The following SLC9A9 variants were observed in gnomAD, a reference collection of about 807,000 sequenced individuals.
SLC9A9 encodes the protein solute carrier family 9 member A9, also known as sodium/hydrogen exchanger 9.
SLC9A9 carries 62 observed loss-of-function variants against 77.8 expected under a neutral mutation model. That is an observed-to-expected ratio of 0.80 (90% CI 0.65 to 0.98). SLC9A9 has a LOEUF of 0.98. SLC9A9 is among the 50% of genes least tolerant of loss of function. The pLI, the probability that SLC9A9 is intolerant of heterozygous loss-of-function variation, is 0.00. For synonymous variants in SLC9A9, 320 were observed against 283.5 expected, an observed-to-expected ratio of 1.13 and a Z score of -1.29; for missense variants, 775 against 774.9, an observed-to-expected ratio of 1.00 and a Z score of 0.00.
At position 143,749,154 on chromosome 3, in the gene SLC9A9, A is replaced by G. The variant is rs896150380; in HGVS notation, c.533+45847T>C. Among the ~76,000 whole-genome samples, 104 of 152,352 alleles carry G rather than the reference A, an allele frequency of 6.8e-4. 1 individual carries two copies. Among genetic ancestry groups the G allele is most frequent in the Admixed American group, 6.7e-3 (102 of 15,304 alleles). On this transcript the variant is annotated intron_variant, in intron 4 of 15. Transcript: ENST00000316549. ...ATAAACACATGGTTTATATATTTGCATAATATTTTAAATTATTATTTATAA... is the reference window on the plus strand; with the variant it reads ...ATAAACACATGGTTTATATATTTGCGTAATATTTTAAATTATTATTTATAA...
intron 6 of SLC9A9, among the ~76,000 whole-genome samples, chr3:143,617,485 G>A (rs763507331): frequency 1.3e-5 from 2 of 152,190 alleles, no homozygotes; most frequent in African/African-American, 4.8e-5. Flanking sequence ...GGCTTCATCT[G>A]ATTGCTATGC....
At position 143,344,978 on chromosome 3, in the gene SLC9A9, A is replaced by G. The variant is rs557924602; in HGVS notation, c.1604+18506T>C. 7.2e-5 allele frequency among the ~76,000 whole-genome samples: 11 copies of G among 152,332 alleles called. No homozygotes were observed. In the South Asian group the frequency reaches 2.1e-3, roughly 29 times the overall value. On this transcript the variant is annotated intron_variant, in intron 14 of 15. Transcript: ENST00000316549. ...CTGAGAGCAGTAAAACTGGTAAAAG[A>G]TGATTTCCATAATAACTGGATGAGG...
chr3:143,844,062 A>T (rs1348091173), intron 1 of SLC9A9, among the ~76,000 whole-genome samples: 2 of 152,200 alleles, frequency 1.3e-5, no homozygotes, highest in Non-Finnish European at 2.9e-5. Flanking sequence ...AATAATAAGA[A>T]AAACCTATTT....
intron 1 of SLC9A9, among the ~76,000 whole-genome samples, chr3:143,843,801 T>C: frequency 6.6e-6 from 1 of 152,282 alleles, no homozygotes. Context: ...ATACAGGCCC[T>C]AAGTGAGTGG....
rs529876685 is a variant in SLC9A9, at chr3:143,387,720, C to T, written c.1470-5606G>A. Among the ~76,000 whole-genome samples, 5 of 151,994 alleles carry T rather than the reference C, an allele frequency of 3.3e-5. No homozygotes were observed. In the East Asian group the frequency reaches 9.7e-4, roughly 29 times the overall value. On this transcript the variant is annotated intron_variant, in intron 12 of 15. Transcript: ENST00000316549. Reference sequence around the variant, plus strand: ...GCACCCTCCCTTCCTATTGCACTTCCACTCTTTGGTGAGTTTTATTAGACA... The same window carrying T: ...GCACCCTCCCTTCCTATTGCACTTCTACTCTTTGGTGAGTTTTATTAGACA...
At chr3:143,734,272 C>T (rs1415502338) in intron 4 of SLC9A9, among the ~76,000 whole-genome samples, 1 of 152,072 alleles carries the variant, frequency 6.6e-6, no homozygotes, top group African/African-American at 2.4e-5. Flanking sequence ...GTTTTGCCCC[C>T]AGGCATAATG....
intron 7 of SLC9A9, among the ~76,000 whole-genome samples, chr3:143,577,141 C>T (rs2037372790): frequency 6.6e-6 from 1 of 152,172 alleles, no homozygotes; most frequent in Non-Finnish European, 1.5e-5. Context: ...GTGTGTCACT[C>T]TCCTGAGCAG....
intron 4 of SLC9A9, among the ~76,000 whole-genome samples, chr3:143,694,943 T>C (rs1933585596): frequency 6.6e-6 from 1 of 152,064 alleles, no homozygotes; most frequent in Non-Finnish European, 1.5e-5. Flanking sequence ...TTGCAAAGCA[T>C]GGATTCTAGA....
intron 9 of SLC9A9, among the ~76,000 whole-genome samples, chr3:143,542,721 T>A (rs535000618): frequency 6.6e-6 from 1 of 152,254 alleles, no homozygotes; most frequent in East Asian, 1.9e-4. Context: ...TTAATTAGCA[T>A]ATATTCTCTT....
At chr3:143,734,594 C>G (rs1034769999) in intron 4 of SLC9A9, among the ~76,000 whole-genome samples, 1 of 151,594 alleles carries the variant, frequency 6.6e-6, no homozygotes, top group African/African-American at 2.4e-5. Context: ...ATTAGCTGGG[C>G]GTTGTGGCAA....
intron 4 of SLC9A9, among the ~76,000 whole-genome samples, chr3:143,777,838 C>G (rs946352791): frequency 2.0e-5 from 3 of 151,300 alleles, no homozygotes; most frequent in Admixed American, 6.6e-5. Flanking sequence ...TCTTAGCCTC[C>G]TAAATACCTG....
chr3:143,407,991 T>G (rs1386907133), intron 12 of SLC9A9, among the ~76,000 whole-genome samples: 1 of 152,234 alleles, frequency 6.6e-6, no homozygotes, highest in Non-Finnish European at 1.5e-5. Flanking sequence ...ATTAAGTTCC[T>G]GCGGAGGGCT....
intron 6 of SLC9A9, among the ~76,000 whole-genome samples, chr3:143,643,974 TAAA>T (rs5853117): frequency 2.1e-5 from 3 of 146,024 alleles, no homozygotes. Flanking sequence ...TATTTTGAGC[TAAA>T]AAAAAAAAAA....
Position 143,847,685 on chromosome 3 carries a change from G to T in SLC9A9, c.175+463C>A, listed in dbSNP as rs144726542. The T allele has an allele frequency of 4.0e-3, 670 of 168,074 alleles. 5 individuals are homozygous for T. The highest frequency in any genetic ancestry group is 0.015 in the African/African-American group (643 of 41,900). 10.4% of individuals were successfully genotyped at this position (168,074 alleles called of 1,614,324 possible). ...ACAATATTCTCTTAAGAGGGGTGGG[G>T]TTAGTTTCTGCAAGTTTTCTTCTTG... On this transcript the variant is annotated intron_variant, in intron 1 of 15. Transcript: ENST00000316549.
chr3:143,382,951 A>C, intron 12 of SLC9A9, among the ~76,000 whole-genome samples: 1 of 152,200 alleles, frequency 6.6e-6, no homozygotes. Context: ...ACTCTTTCTC[A>C]CACACAGACA....
intron 9 of SLC9A9, among the ~76,000 whole-genome samples, chr3:143,524,156 A>T (rs375071657): frequency 6.9e-6 from 1 of 145,098 alleles, no homozygotes; most frequent in East Asian, 2.1e-4. Context: ...ATTATCTACA[A>T]TGAAAAATGC....
At chr3:143,677,129 C>T (rs1932910196) in intron 5 of SLC9A9, among the ~76,000 whole-genome samples, 1 of 152,008 alleles carries the variant, frequency 6.6e-6, no homozygotes, top group African/African-American at 2.4e-5. Context: ...TCCAGCAAGT[C>T]GGAAAGTAGT....
chr3:143,286,872 C>A (rs1394507810), intron 14 of SLC9A9, among the ~76,000 whole-genome samples: 3 of 152,136 alleles, frequency 2.0e-5, no homozygotes, highest in African/African-American at 7.2e-5. Flanking sequence ...CAGTGCAGGT[C>A]ACCTTTGGGT....
chr3:143,533,906 T>C (rs908232153), intron 9 of SLC9A9, among the ~76,000 whole-genome samples: 1 of 152,218 alleles, frequency 6.6e-6, no homozygotes, highest in Non-Finnish European at 1.5e-5. Context: ...TAAAATATAA[T>C]GCAGTTTCTA....
Sources: allele counts gnomAD v4.1 joint callset (sites outside exome capture counted in the v4.1 genomes callset), GRCh38; gene constraint gnomAD v4.1.1; transcripts MANE v1.5; gene names NCBI Gene and HGNC (gene_info 2026-07-23, HGNC 2026-07-21).